The following KCNQ4 variants were observed in gnomAD, a reference collection of about 807,000 sequenced individuals.
KCNQ4 encodes potassium voltage-gated channel subfamily Q member 4.
A neutral mutation model predicts 72.6 loss-of-function variants in KCNQ4; 31 were observed. The ratio of observed to expected loss-of-function variants is 0.43; its 90% CI spans 0.32 to 0.58. The LOEUF is 0.58. Among genes scored for constraint, KCNQ4 ranks in the 20% least tolerant of loss-of-function variants. The pLI is 0.08. For missense variants in KCNQ4, 869 were observed against 962.6 expected, an observed-to-expected ratio of 0.90 and a Z score of 1.29; for synonymous variants, 405 against 403.7, an observed-to-expected ratio of 1.00 and a Z score of -0.04.
chr1:40,791,360 C>T (rs970927506), intron 1 of KCNQ4, among the ~76,000 whole-genome samples: 8 of 152,112 alleles, frequency 5.3e-5, no homozygotes, highest in African/African-American at 1.9e-4. Flanking sequence ...CTCTGGGGGC[C>T]CCTCAGGTGA....
At chr1:40,795,239 G>T (rs369097182) in intron 1 of KCNQ4, among the ~76,000 whole-genome samples, 2 of 149,024 alleles carry the variant, frequency 1.3e-5, no homozygotes, top group South Asian at 4.3e-4. Context: ...GAACAGGGGG[G>T]TTGTGGTGGT....
chr1:40,825,812 A>C (rs1375265617), intron 9 of KCNQ4, among the ~76,000 whole-genome samples: 11 of 152,128 alleles, frequency 7.2e-5, no homozygotes, highest in African/African-American at 2.7e-4. Flanking sequence ...TTGACTGAAT[A>C]GGAAGGCAAG....
chr1:40,832,924 A>C, intron 10 of KCNQ4, 90 bp from the exon 11 acceptor site: 1 of 908,858 alleles, frequency 1.1e-6, no homozygotes, highest in East Asian at 2.4e-5. Flanking sequence ...CCTATTGGAC[A>C]CTCTACTGGT....
At chr1:40,834,886 G>A in intron 11 of KCNQ4, 81 bp from the exon 12 acceptor site, 1 of 1,583,176 alleles carries the variant, frequency 6.3e-7, no homozygotes, top group Admixed American at 1.7e-5. Context: ...TGGACAAGGG[G>A]ATAGCAAAGA....
At chr1:40,835,225 G>T in intron 12 of KCNQ4, 127 bp downstream of exon 12, 1 of 1,268,264 alleles carries the variant, frequency 7.9e-7, no homozygotes, top group Non-Finnish European at 1.1e-6. Flanking sequence ...CTAGACTGAG[G>T]AGGTCCCTGG....
chr1:40,808,507 C>T (rs142622107), intron 1 of KCNQ4, among the ~76,000 whole-genome samples: 33 of 152,220 alleles, frequency 2.2e-4, no homozygotes, highest in Non-Finnish European at 4.0e-4. Flanking sequence ...CTCCATACCT[C>T]CTCCATCTCT....
At chr1:40,824,597 TC>T (rs1648420823) in intron 9 of KCNQ4, among the ~76,000 whole-genome samples, 1 of 152,042 alleles carries the variant, frequency 6.6e-6, no homozygotes, top group Non-Finnish European at 1.5e-5. Flanking sequence ...CCCCCATCCC[TC>T]CCGGGAAGCT....
rs1424117878 is a variant in KCNQ4, at chr1:40,784,201, G to A, written c.108G>A (p.Ala36=). 3.6e-6 allele frequency: 4 copies of A among 1,123,458 alleles called. No individual in the cohort carries two copies. The African/African-American group carries it at 5.0e-5, about 14-fold the overall frequency. 69.6% of individuals were successfully genotyped at this position (1,123,458 alleles called of 1,614,324 possible). ...CCGTGCAGAGCGAACAGGGCGAGGC[G>A]GGCGGGGGCGGCTCCCCGCGCCGCC... ...LTAVQSEQGE[A]GGGGSPRRLG... The change falls in exon 1 of 14, where the codon GCG becomes GCA. Residue 36 remains alanine, a synonymous_variant. Coordinates refer to ENST00000347132, the MANE Select transcript of KCNQ4 (RefSeq NM_004700.4). This position sits in a 1 kb window ranked among gnomAD's most constrained non-coding sequence, Gnocchi z 4.1.
chr1:40,820,446 C>G (rs1648253004), intron 7 of KCNQ4, among the ~76,000 whole-genome samples, 186 bp downstream of exon 7: 1 of 152,208 alleles, frequency 6.6e-6, no homozygotes, highest in Middle Eastern at 3.2e-3. Context: ...ACTGACAGTG[C>G]CAGAAACTTC....
At chr1:40,824,069 C>T in intron 8 of KCNQ4, 28 bp from the exon 9 acceptor site, 5 of 1,549,424 alleles carry the variant, frequency 3.2e-6, no homozygotes, top group Non-Finnish European at 4.4e-6. Flanking sequence ...ATGGCCCTGC[C>T]TGCCACTGAT....
chr1:40,793,006 T>TTC (rs753369729), intron 1 of KCNQ4, among the ~76,000 whole-genome samples: 123 of 136,450 alleles, frequency 9.0e-4, no homozygotes, highest in Middle Eastern at 3.6e-3. Flanking sequence ...CTTTCTTTCT[T>TTC]TTTTTTTTTT....
intron 1 of KCNQ4, among the ~76,000 whole-genome samples, chr1:40,796,598 T>A (rs1647417621): frequency 6.6e-6 from 1 of 151,932 alleles, no homozygotes; most frequent in East Asian, 1.9e-4. Flanking sequence ...TGGGGGGTGA[T>A]ATTAGGAGAA....
chr1:40,819,801 A>G, intron 5 of KCNQ4, 74 bp from the exon 6 acceptor site: 2 of 1,208,820 alleles, frequency 1.7e-6, no homozygotes, highest in Non-Finnish European at 2.5e-6. Context: ...TCAGGCTCCT[A>G]CCTGCCTGTA....
At position 40,838,369 on chromosome 1, in the gene KCNQ4, G is replaced by A. The variant is rs1428248589; in HGVS notation, c.1934G>A (p.Arg645His). The A allele has an allele frequency of 1.2e-6, 2 of 1,613,962 alleles. No homozygotes were observed. The highest frequency in any genetic ancestry group is 8.5e-7 in the Non-Finnish European group (1 of 1,179,940). Residue 645 changes from arginine (R) to histidine (H), a missense_variant, in exon 14 of 14, where the codon CGC becomes CAC. Arg to His is a conservative substitution (Grantham distance 29). Around this residue, in one of 5 missense-constraint regions of KCNQ4, gnomAD observed 480 missense variants for 501.9 expected, o/e 0.96. Transcript: ENST00000347132. ...LLLGFYSRCL[R>H]SGTSASLGAV... ...TTGGGCTTCTATTCGCGCTGCCTGC[G>A]CTCTGGCACCTCGGCCAGCCTGGGC...
At chr1:40,836,429 A>G (rs1648807692) in intron 12 of KCNQ4, among the ~76,000 whole-genome samples, 1 of 152,166 alleles carries the variant, frequency 6.6e-6, no homozygotes, top group Non-Finnish European at 1.5e-5. Context: ...CTGACATTCA[A>G]GTGGAGTGTT....
intron 1 of KCNQ4, among the ~76,000 whole-genome samples, chr1:40,785,656 G>A (rs1445293511): frequency 2.6e-5 from 4 of 151,994 alleles, no homozygotes; most frequent in Admixed American, 2.6e-4. Flanking sequence ...GTGCCTGTCT[G>A]TGCATCTGCC....
rs889807846 is a variant in KCNQ4 at position 40,798,045 on chromosome 1, C to T, written c.314+13638C>T. Among the ~76,000 whole-genome samples the T allele has an allele frequency of 9.2e-5, 14 of 152,184 alleles. No individual in the cohort carries two copies. In the South Asian group the frequency reaches 1.7e-3, roughly 18 times the overall value. ...CCCAGATAATGGAGGGACACCCTGG[C>T]GAAGGGGCAGAGTCCTGGCAGTTCA... On this transcript the variant is annotated intron_variant, in intron 1 of 13. Transcript: ENST00000347132.
At chr1:40,830,327 C>T (rs1648600401) in intron 9 of KCNQ4, among the ~76,000 whole-genome samples, 1 of 152,196 alleles carries the variant, frequency 6.6e-6, no homozygotes, top group Non-Finnish European at 1.5e-5. Context: ...CTCAGTAGGC[C>T]ATCACGCTGC....
At chr1:40,807,878 C>A (rs1451623269) in intron 1 of KCNQ4, among the ~76,000 whole-genome samples, 6 of 152,128 alleles carry the variant, frequency 3.9e-5, no homozygotes, top group African/African-American at 1.4e-4. Context: ...TCACGCGCTC[C>A]CCAGGCCAGA....
Sources: gnomAD v4.1 joint callset for allele counts (sites outside exome capture counted in the v4.1 genomes callset) on GRCh38, gnomAD v4.1.1 for gene constraint, gnomAD v4.1.1 regional missense constraint, Gnocchi (gnomAD v3.1) non-coding constraint, MANE v1.5 for transcripts, NCBI Gene and HGNC (gene_info 2026-07-23, HGNC 2026-07-21) for gene names.